TBCD: variants seen among roughly 807,000 people sequenced by gnomAD.
TBCD encodes tubulin-specific chaperone D.
TBCD carries 105 observed loss-of-function variants against 169.3 expected under a neutral mutation model. The ratio of observed to expected loss-of-function variants is 0.62; its 90% confidence interval spans 0.53 to 0.73. TBCD has a LOEUF of 0.73. Among genes scored for constraint, TBCD ranks in the 30% least tolerant of loss-of-function variants. TBCD has a pLI of 0.00. For synonymous variants in TBCD, 700 were observed against 643.9 expected (o/e 1.09, Z -1.32); for missense variants, 1,444 against 1,600.1 (o/e 0.90, Z 1.66).
In TBCD at chr17:82,781,543, G is replaced by A. The variant is rs776328064; in HGVS notation, c.639-46G>A. ...TGGGGTGGGCTGGTGAGGCGTGGGC[G>A]AGGTCTCAGTGCTGAGGCCTTGGTT... On this transcript the variant is annotated intron_variant, in intron 6 of 38. Transcript: ENST00000355528. 42 of 1,607,870 alleles carry A rather than the reference G, an allele frequency of 2.6e-5. No individual in the cohort carries two copies. In the East Asian group the frequency reaches 6.0e-4, roughly 23 times the overall value.
intron 9 of TBCD, among the ~76,000 whole-genome samples, chr17:82,802,544 A>G (rs2050647629): frequency 6.6e-6 from 1 of 152,376 alleles, no homozygotes; most frequent in South Asian, 2.1e-4. Flanking sequence ...GCTGGAGACC[A>G]GGAGAGCTCA....
intron 17 of TBCD, 61 bp downstream of exon 17, chr17:82,893,693 A>C: frequency 8.1e-7 from 1 of 1,232,770 alleles, no homozygotes; most frequent in Non-Finnish European, 1.1e-6. Flanking sequence ...GATGTCAGAA[A>C]TCAGCTACCA....
chr17:82,932,965 T>G, intron 34 of TBCD: 2 of 541,990 alleles, frequency 3.7e-6, no homozygotes, highest in South Asian at 2.0e-5. Context: ...GTCAGCCCCA[T>G]CTGGGGCTGA....
chr17:82,883,087 G>A (rs538608813), intron 14 of TBCD, among the ~76,000 whole-genome samples: 106 of 152,370 alleles, frequency 7.0e-4, no homozygotes, highest in African/African-American at 2.4e-3. Context: ...GTGAGAGGAC[G>A]CACACCTGGC....
intron 6 of TBCD, among the ~76,000 whole-genome samples, chr17:82,778,825 C>G (rs1030615840): frequency 6.6e-6 from 1 of 151,832 alleles, no homozygotes; most frequent in Non-Finnish European, 1.5e-5. Flanking sequence ...GCACCCCTGG[C>G]TAATTTTTGT....
chr17:82,819,509 A>G (rs1000336283), intron 13 of TBCD, among the ~76,000 whole-genome samples: 2 of 152,230 alleles, frequency 1.3e-5, no homozygotes, highest in Non-Finnish European at 2.9e-5. Flanking sequence ...AGCCTGCGCA[A>G]CAAAATGAGA....
chr17:82,781,456 C>T (rs2048942927), intron 6 of TBCD, 133 bp from the exon 7 acceptor site: 3 of 1,179,098 alleles, frequency 2.5e-6, no homozygotes, highest in Admixed American at 2.2e-5. Flanking sequence ...GGACTCAGTA[C>T]AGAGCTGGCA....
chr17:82,894,709 G>A (rs1328646931), intron 17 of TBCD, among the ~76,000 whole-genome samples: 1 of 152,200 alleles, frequency 6.6e-6, no homozygotes, highest in Non-Finnish European at 1.5e-5. Context: ...CTACTGGCCC[G>A]ATGCAGTGGC....
At chr17:82,812,835 C>T (rs777394633) in intron 12 of TBCD, among the ~76,000 whole-genome samples, 30 of 152,262 alleles carry the variant, frequency 2.0e-4, no homozygotes, top group Non-Finnish European at 3.8e-4. Context: ...CCACCGCGCC[C>T]GGCTGTTTTG....
intron 27 of TBCD, among the ~76,000 whole-genome samples, chr17:82,925,629 G>A (rs1478763375): frequency 6.6e-6 from 1 of 152,212 alleles, no homozygotes; most frequent in African/African-American, 2.4e-5. Flanking sequence ...ATGGGATCCA[G>A]CCTTGGCACT....
intron 14 of TBCD, among the ~76,000 whole-genome samples, chr17:82,882,110 GC>G (rs768208901): frequency 9.1e-4 from 139 of 152,344 alleles, no homozygotes; most frequent in Non-Finnish European, 1.8e-3. Context: ...CGAGTCACAT[GC>G]CCCAGCTTCT....
intron 7 of TBCD, among the ~76,000 whole-genome samples, chr17:82,797,330 C>G (rs1388820592): frequency 6.6e-6 from 1 of 152,242 alleles, no homozygotes; most frequent in African/African-American, 2.4e-5. Flanking sequence ...AGCATGAATG[C>G]AGATGGAGGC....
chr17:82,809,203 C>G (rs2144830117), intron 11 of TBCD, among the ~76,000 whole-genome samples: 1 of 152,148 alleles, frequency 6.6e-6, no homozygotes, highest in East Asian at 1.9e-4. Flanking sequence ...AGTGTCCTTC[C>G]TGGAGGCCCC....
intron 6 of TBCD, among the ~76,000 whole-genome samples, chr17:82,773,188 G>A (rs939845989): frequency 4.6e-5 from 7 of 152,240 alleles, no homozygotes; most frequent in African/African-American, 1.7e-4. Context: ...CCTTTCGGTG[G>A]TTGTGGTTGG....
intron 16 of TBCD, among the ~76,000 whole-genome samples, chr17:82,891,839 C>G (rs1391693594): frequency 6.6e-6 from 1 of 152,128 alleles, no homozygotes; most frequent in East Asian, 1.9e-4. Flanking sequence ...AGACTCTGGT[C>G]CTGAGTGGTC....
At chr17:82,887,343 CGG>C (rs2146323308) in intron 15 of TBCD, among the ~76,000 whole-genome samples, 1 of 152,206 alleles carries the variant, frequency 6.6e-6, no homozygotes, top group South Asian at 2.1e-4. Context: ...TGGCAGCCAC[CGG>C]TCGGCTCTCC....
intron 4 of TBCD, among the ~76,000 whole-genome samples, chr17:82,767,490 G>A (rs2048073970): frequency 6.6e-6 from 1 of 151,882 alleles, no homozygotes; most frequent in Non-Finnish European, 1.5e-5. Context: ...TGCCCAGGTT[G>A]GAGAGCAATG....
rs768875605 is a variant in TBCD, at chr17:82,752,214, G to A, written c.21G>A (p.Pro7=). Residue 7 remains proline (P), a synonymous_variant, in exon 1 of 39, where the codon CCG becomes CCA. Transcript: ENST00000355528. MALSDE[P]AAGGPEEEAE... ...CCGAGATGGCCCTGAGCGACGAACC[G>A]GCCGCGGGCGGCCCCGAGGAGGAGG... 13 of 1,522,396 alleles carry A rather than the reference G, an allele frequency of 8.5e-6. No homozygotes were observed. Among genetic ancestry groups the A allele is most frequent in the African/African-American group, 2.9e-5 (2 of 69,558 alleles). The allele number at this position is 1,522,396 out of a possible 1,614,324, so 94.3% of individuals were successfully genotyped here.
intron 13 of TBCD, among the ~76,000 whole-genome samples, chr17:82,842,419 GTGT>G (rs2145478190): frequency 6.6e-6 from 1 of 152,278 alleles, no homozygotes; most frequent in East Asian, 1.9e-4. Flanking sequence ...CCTGGTCGAG[GTGT>G]TGTTTGGTGG....
Sources: allele counts gnomAD v4.1 joint callset (sites outside exome capture counted in the v4.1 genomes callset), GRCh38; gene constraint gnomAD v4.1.1; transcripts MANE v1.5; gene names NCBI Gene and HGNC (gene_info 2026-07-23, HGNC 2026-07-21).